Variants in OSBP observed in about 807,000 individuals in gnomAD.
OSBP encodes the protein oxysterol binding protein.
Under a neutral mutation model 96.6 loss-of-function variants are expected in OSBP, and 32 were observed. That is an observed-to-expected ratio of 0.33 (90% confidence interval 0.25 to 0.45). OSBP has a LOEUF of 0.45. Ranked by LOEUF, OSBP falls within the 20% of genes least tolerant of loss-of-function variation. The pLI, the probability that OSBP is intolerant of heterozygous loss-of-function variation, is 1.00. For missense variants in OSBP, 653 were observed against 1,029.7 expected (o/e 0.63, Z 5.01); for synonymous variants, 369 against 389.6 (o/e 0.95, Z 0.62).
intron 9 of OSBP, among the ~76,000 whole-genome samples, chr11:59,585,049 G>A (rs777802721): frequency 1.1e-3 from 162 of 151,908 alleles, no homozygotes; most frequent in Non-Finnish European, 1.7e-3. Context: ...GCCTCTGCCC[G>A]GCCGCCACCC....
intron 9 of OSBP, among the ~76,000 whole-genome samples, chr11:59,589,505 G>A (rs1283920527): frequency 6.6e-6 from 1 of 151,614 alleles, no homozygotes; most frequent in African/African-American, 2.4e-5. Flanking sequence ...GAAGGCTGAG[G>A]CAGGAGAATT....
rs1860613464 is a variant in OSBP at position 59,593,738 on chromosome 11, G to A, written c.1558-14C>T. 6.2e-7 allele frequency: 1 copy of A among 1,613,590 alleles called. No individual in the cohort carries two copies. The highest frequency in any genetic ancestry group is 1.3e-5 in the African/African-American group (1 of 74,874). ...ATGATGACTCACCTTGAAGAAATCA[G>A]GTTCAAATTAAGACGGCAGAAAGGA... On this transcript the variant is annotated splice_polypyrimidine_tract_variant and intron_variant, in intron 8 of 13. Coordinates refer to ENST00000263847, the MANE Select transcript of OSBP (RefSeq NM_002556.3).
rs142535871 is a variant in OSBP, at chr11:59,582,051, T to G, written c.1679-497A>C. ...GCTTTGAATTCAGACAGAACTGGAT[T>G]AAATCCTGACTCTAGTCCTCATTAG... On this transcript the variant is annotated intron_variant, in intron 9 of 13. Coordinates refer to ENST00000263847, the MANE Select transcript of OSBP (RefSeq NM_002556.3). 2.0e-4 allele frequency among the ~76,000 whole-genome samples: 30 copies of G among 152,372 alleles called. No individual in the cohort carries two copies. The East Asian group carries it at 5.6e-3, about 28-fold the overall frequency.
At chr11:59,611,504 T>TA (rs1291783404) in intron 1 of OSBP, among the ~76,000 whole-genome samples, 1 of 152,190 alleles carries the variant, frequency 6.6e-6, no homozygotes, top group Non-Finnish European at 1.5e-5. Context: ...ACATCATGCT[T>TA]AGAGTTATAT....
chr11:59,595,944 A>AAAATAAATAAATAAAT (rs139081696), intron 7 of OSBP, among the ~76,000 whole-genome samples: 15 of 138,562 alleles, frequency 1.1e-4, no homozygotes, highest in South Asian at 7.0e-4. Flanking sequence ...ACTCTGTCTA[A>AAAATAAATAAATAAAT]AAATAAATAA....
At chr11:59,605,632 C>T (rs1250692851) in intron 3 of OSBP, among the ~76,000 whole-genome samples, 3 of 152,090 alleles carry the variant, frequency 2.0e-5, no homozygotes, top group Non-Finnish European at 4.4e-5. Flanking sequence ...GTGATCCACT[C>T]GACTCGGCCT....
intron 5 of OSBP, 113 bp from the exon 6 acceptor site, chr11:59,600,986 G>T: frequency 1.2e-6 from 1 of 837,692 alleles, no homozygotes; most frequent in South Asian, 1.5e-5. Flanking sequence ...CTTATTGATG[G>T]GTGATCAAAT....
At chr11:59,583,938 G>A (rs939299176) in intron 9 of OSBP, among the ~76,000 whole-genome samples, 2 of 131,426 alleles carry the variant, frequency 1.5e-5, no homozygotes, top group Non-Finnish European at 3.2e-5. Flanking sequence ...ACACCTGATG[G>A]TGTTTTTTTT....
At position 59,615,290 on chromosome 11, in the gene OSBP, C is replaced by T. The variant is rs373321771; in HGVS notation, c.362+13G>A. On this transcript the variant is annotated intron_variant, in intron 1 of 13. Transcript: ENST00000263847. ...GGAGGCAAGGTGAGCGACAGCGCCCCGGAAGCAGTTACCTGTAGTAGCTCA... is the reference window on the plus strand; with the variant it reads ...GGAGGCAAGGTGAGCGACAGCGCCCTGGAAGCAGTTACCTGTAGTAGCTCA... 1.3e-6 allele frequency: 2 copies of T among 1,588,462 alleles called. No homozygotes were observed. Among genetic ancestry groups the T allele is most frequent in the African/African-American group, 1.3e-5 (1 of 74,132 alleles).
intron 9 of OSBP, among the ~76,000 whole-genome samples, chr11:59,582,720 C>T (rs1222520128): frequency 1.3e-5 from 2 of 152,148 alleles, no homozygotes; most frequent in Non-Finnish European, 2.9e-5. Flanking sequence ...TTGTTGGGTA[C>T]TATGCCCTTA....
intron 3 of OSBP, among the ~76,000 whole-genome samples, chr11:59,602,711 G>A (rs1220985930): frequency 1.3e-5 from 2 of 152,120 alleles, no homozygotes; most frequent in African/African-American, 4.8e-5. Flanking sequence ...CCTCAACCTC[G>A]TCGGGCTCAG....
At chr11:59,610,173 C>T (rs1449427837) in intron 2 of OSBP, among the ~76,000 whole-genome samples, 2 of 152,110 alleles carry the variant, frequency 1.3e-5, no homozygotes, top group Non-Finnish European at 2.9e-5. Context: ...AAAAATGTCT[C>T]CAGACATTGC....
rs1860920743 is a variant in OSBP at position 59,615,726 on chromosome 11, G to A, written c.-62C>T. On this transcript the variant is annotated 5_prime_UTR_variant, in exon 1 of 14. Coordinates refer to ENST00000263847, the MANE Select transcript of OSBP (RefSeq NM_002556.3). Reference sequence around the variant, plus strand: ...CCTACGAGAGCCGCCGTCGCCGCCCGGAGCGCCCCACACGGCTACCGCATC... The same window carrying A: ...CCTACGAGAGCCGCCGTCGCCGCCCAGAGCGCCCCACACGGCTACCGCATC... 4.0e-6 allele frequency: 5 copies of A among 1,248,072 alleles called. No homozygotes were observed. In the Admixed American group the frequency reaches 1.7e-4, roughly 43 times the overall value. 77.3% of individuals were successfully genotyped at this position (1,248,072 alleles called of 1,614,324 possible). A position where few individuals can be genotyped will look rare whatever the true frequency, so the allele number is the denominator to read the frequency against.
chr11:59,611,901 C>T (rs1300604428), intron 1 of OSBP, among the ~76,000 whole-genome samples: 5 of 152,228 alleles, frequency 3.3e-5, no homozygotes, highest in Non-Finnish European at 7.3e-5. Context: ...CTAGCACAAT[C>T]GAGTGTCTAA....
Position 59,600,618 on chromosome 11 carries a change from G to A in OSBP, c.1189C>T (p.Gln397Ter). ...DISLDEQYKH[Q>*]LEETKKEKRT... The stretch of plus-strand genomic sequence containing the variant: ...TTTTCCTTTTTGGTCTCCTCCAGCT[G>A]ATGCTTGTACTGAGAGCAAAACAAA... The change falls in exon 7 of 14, where the codon CAG becomes TAG. Residue 397 changes from glutamine (Q) to a stop codon, truncating the protein, a stop_gained. Transcript: ENST00000263847. LOFTEE classifies it high-confidence loss of function. The A allele has an allele frequency of 6.2e-7, 1 of 1,613,654 alleles. No homozygotes were observed. The highest frequency in any genetic ancestry group is 8.5e-7 in the Non-Finnish European group (1 of 1,179,974).
chr11:59,576,556 C>T lies in OSBP; in HGVS notation c.*21G>A, dbSNP rs1322612890. On this transcript the variant is annotated 3_prime_UTR_variant, in exon 14 of 14. Transcript: ENST00000263847. Reference sequence around the variant, plus strand: ...CTGTCCTCTTCTCCATTATATGCTCCTCTTTTTTGTTACTGCCGTTTCAGA... The same window carrying T: ...CTGTCCTCTTCTCCATTATATGCTCTTCTTTTTTGTTACTGCCGTTTCAGA... The T allele has an allele frequency of 6.2e-7, 1 of 1,610,364 alleles. No individual in the cohort carries two copies. Among genetic ancestry groups the T allele is most frequent in the Non-Finnish European group, 8.5e-7 (1 of 1,178,542 alleles).
At chr11:59,599,988 A>T (rs1339411875) in intron 7 of OSBP, among the ~76,000 whole-genome samples, 1 of 152,226 alleles carries the variant, frequency 6.6e-6, no homozygotes, top group South Asian at 2.1e-4. Flanking sequence ...ACAACAGTGT[A>T]GACAGACTGG....
At chr11:59,578,399 G>T (rs984545303) in intron 11 of OSBP, 69 bp from the exon 12 acceptor site, 2 of 1,436,382 alleles carry the variant, frequency 1.4e-6, no homozygotes, top group Non-Finnish European at 9.6e-7. Context: ...GACTATACTG[G>T]AAGTCCTAGG....
chr11:59,601,753 C>T lies in OSBP; in HGVS notation c.908G>A (p.Arg303Gln). ...SLQYERDQRIRLEETLEQLAK... is the reference protein window; with the variant it reads ...SLQYERDQRIQLEETLEQLAK... ...CAGCTGCTCGAGGGTTTCTTCCAGTCGGATACGCTGGTCTCTTTCATACTG... is the reference window on the plus strand; with the variant it reads ...CAGCTGCTCGAGGGTTTCTTCCAGTTGGATACGCTGGTCTCTTTCATACTG... The change falls in exon 4 of 14, where the codon CGA becomes CAA. Residue 303 changes from arginine (R) to glutamine (Q), a missense_variant. By Grantham distance (43) the Arg-to-Gln change is conservative. This residue lies in a region of OSBP where 308 missense variants were observed against 573.1 expected (regional missense o/e 0.54). Coordinates refer to ENST00000263847, the MANE Select transcript of OSBP (RefSeq NM_002556.3). 1.2e-6 allele frequency: 2 copies of T among 1,614,138 alleles called. No individual in the cohort carries two copies. The highest frequency in any genetic ancestry group is 1.7e-6 in the Non-Finnish European group (2 of 1,180,012).
Sources: gnomAD v4.1 joint callset for allele counts (sites outside exome capture counted in the v4.1 genomes callset) on GRCh38, gnomAD v4.1.1 for gene constraint, gnomAD v4.1.1 regional missense constraint, MANE v1.5 for transcripts, NCBI Gene and HGNC (gene_info 2026-07-23, HGNC 2026-07-21) for gene names.